JARID2: variants seen among roughly 807,000 people sequenced by gnomAD.
The protein encoded by JARID2 is protein Jumonji.
A neutral mutation model predicts 125.6 loss-of-function variants in JARID2; 21 were observed. That is an observed-to-expected ratio of 0.17 (90% CI 0.12 to 0.24). JARID2 has a LOEUF of 0.24. JARID2 is among the 10% of genes least tolerant of loss of function. The probability of loss-of-function intolerance (pLI) is 1.00; values close to 1 mark genes in which losing one functional copy is unlikely to be tolerated. For missense variants in JARID2, 1,303 were observed against 1,639.6 expected (o/e 0.79, Z 3.55); for synonymous variants, 736 against 661.6 (o/e 1.11, Z -1.73).
intron 8 of JARID2, among the ~76,000 whole-genome samples, chr6:15,502,184 C>T (rs772648764): frequency 2.2e-4 from 33 of 152,360 alleles, no homozygotes; most frequent in Non-Finnish European, 2.8e-4. Flanking sequence ...TGAGGAGACT[C>T]GCCCCTCCAA....
chr6:15,361,977 ACT>A (rs1362869329), intron 1 of JARID2, among the ~76,000 whole-genome samples: 2 of 146,346 alleles, frequency 1.4e-5, no homozygotes, highest in African/African-American at 5.1e-5. Context: ...CTCACTGCAA[ACT>A]CTGCCTTCTG....
intron 1 of JARID2, among the ~76,000 whole-genome samples, chr6:15,364,850 T>C (rs1231888220): frequency 2.0e-5 from 3 of 152,236 alleles, no homozygotes; most frequent in Admixed American, 2.0e-4. Flanking sequence ...GGTCGGATTG[T>C]GGCCATTGAG....
At chr6:15,407,603 C>T (rs916655205) in intron 2 of JARID2, among the ~76,000 whole-genome samples, 2 of 152,164 alleles carry the variant, frequency 1.3e-5, no homozygotes, top group African/African-American at 4.8e-5. Context: ...TTATTTAGTT[C>T]GTTTTTTATA....
At chr6:15,504,266 A>G (rs1220165763) in intron 8 of JARID2, among the ~76,000 whole-genome samples, 1 of 152,252 alleles carries the variant, frequency 6.6e-6, no homozygotes, top group Non-Finnish European at 1.5e-5. Flanking sequence ...TTCCTGGCAG[A>G]ACAATTTGGC....
At chr6:15,396,496 G>A (rs917066149) in intron 2 of JARID2, among the ~76,000 whole-genome samples, 1 of 152,090 alleles carries the variant, frequency 6.6e-6, no homozygotes, top group Non-Finnish European at 1.5e-5. Context: ...AATTCATGTA[G>A]AATACAGTAG....
chr6:15,262,082 G>C lies in JARID2; in HGVS notation c.45+15498G>C, dbSNP rs1356368319. Among the ~76,000 whole-genome samples the C allele has an allele frequency of 3.3e-5, 5 of 151,894 alleles. No individual in the cohort carries two copies. In the East Asian group the frequency reaches 9.7e-4, roughly 29 times the overall value. On this transcript the variant is annotated intron_variant, in intron 1 of 17. Transcript: ENST00000341776. ...GGCGTGAGCCACCGCGCCCGGCCCA[G>C]GGGATGGTTTTGACTTTGTCTGAGT...
intron 2 of JARID2, among the ~76,000 whole-genome samples, chr6:15,392,829 C>T (rs138044694): frequency 3.4e-4 from 51 of 151,926 alleles, no homozygotes; most frequent in African/African-American, 1.1e-3. Context: ...GGGTTACAGG[C>T]GCCCACCATC....
At chr6:15,503,742 T>A (rs933837703) in intron 8 of JARID2, among the ~76,000 whole-genome samples, 2 of 152,156 alleles carry the variant, frequency 1.3e-5, no homozygotes, top group African/African-American at 4.8e-5. Context: ...CCCGGTCAAG[T>A]AAGAAAGAAA....
chr6:15,451,842 C>T (rs1767933985), intron 3 of JARID2, among the ~76,000 whole-genome samples, 164 bp from the exon 4 acceptor site: 1 of 151,990 alleles, frequency 6.6e-6, no homozygotes, highest in Non-Finnish European at 1.5e-5. Flanking sequence ...TGAAAGTAGG[C>T]CTGTGGTTTA....
intron 2 of JARID2, among the ~76,000 whole-genome samples, chr6:15,388,784 C>T (rs1446837038): frequency 3.3e-5 from 5 of 152,176 alleles, no homozygotes; most frequent in South Asian, 2.1e-4. Context: ...TTTCAGACCC[C>T]GTAGCTTCTC....
chr6:15,252,644 T>C (rs186166285), intron 1 of JARID2, among the ~76,000 whole-genome samples: 194 of 152,340 alleles, frequency 1.3e-3, no homozygotes, highest in African/African-American at 4.4e-3. Context: ...TATATATTGT[T>C]TTACTTATGA....
chr6:15,463,009 T>C (rs962698379), intron 4 of JARID2, among the ~76,000 whole-genome samples: 1 of 152,240 alleles, frequency 6.6e-6, no homozygotes, highest in African/African-American at 2.4e-5. Flanking sequence ...TGAAAAGTAA[T>C]GAAATACGGC....
intron 2 of JARID2, among the ~76,000 whole-genome samples, chr6:15,379,727 C>T (rs539050708): frequency 3.3e-5 from 5 of 152,146 alleles, no homozygotes; most frequent in Non-Finnish European, 7.3e-5. Flanking sequence ...GTATTTAACT[C>T]ATTTAATCTT....
chr6:15,380,837 C>G (rs928600847), intron 2 of JARID2, among the ~76,000 whole-genome samples: 1 of 151,894 alleles, frequency 6.6e-6, no homozygotes, highest in African/African-American at 2.4e-5. Context: ...ATTTGTGAAT[C>G]AAAATAAAAA....
chr6:15,464,031 TCTTAGA>T (rs1768589369), intron 4 of JARID2, among the ~76,000 whole-genome samples: 1 of 152,240 alleles, frequency 6.6e-6, no homozygotes, highest in Non-Finnish European at 1.5e-5. Context: ...AATTTTAGTT[TCTTAGA>T]TGCTTTGTGT....
chr6:15,277,621 T>C (rs1333973305), intron 1 of JARID2, among the ~76,000 whole-genome samples: 1 of 152,164 alleles, frequency 6.6e-6, no homozygotes, highest in African/African-American at 2.4e-5. Context: ...CATTTTAAGG[T>C]ACCTGTTGAA....
At chr6:15,407,286 A>G (rs1207340119) in intron 2 of JARID2, among the ~76,000 whole-genome samples, 1 of 151,976 alleles carries the variant, frequency 6.6e-6, no homozygotes, top group Non-Finnish European at 1.5e-5. Context: ...CCCAAAAAAC[A>G]AGTCCCCAGA....
intron 7 of JARID2, among the ~76,000 whole-genome samples, chr6:15,499,621 G>A (rs1425578051): frequency 6.6e-6 from 1 of 152,144 alleles, no homozygotes; most frequent in Non-Finnish European, 1.5e-5. Flanking sequence ...ACTCCCGATT[G>A]TCAGCCAGAG....
chr6:15,480,916 G>GTCA (rs1371972147), intron 5 of JARID2, among the ~76,000 whole-genome samples: 4 of 152,176 alleles, frequency 2.6e-5, no homozygotes, highest in African/African-American at 9.7e-5. Context: ...GGAAACTTGT[G>GTCA]TCAGCATCTA....
Sources: gnomAD v4.1 joint callset for allele counts (sites outside exome capture counted in the v4.1 genomes callset) on GRCh38, gnomAD v4.1.1 for gene constraint, MANE v1.5 for transcripts, NCBI Gene and HGNC (gene_info 2026-07-23, HGNC 2026-07-21) for gene names.